Variants in SNAPC3 observed in about 807,000 individuals in gnomAD.
SNAPC3 encodes the protein small nuclear RNA activating complex polypeptide 3.
A neutral mutation model predicts 47.7 loss-of-function variants in SNAPC3; 56 were observed. The ratio of observed to expected loss-of-function variants is 1.18; its 90% CI spans 0.95 to 1.47. The LOEUF (loss-of-function observed/expected upper bound fraction) is 1.47. Among genes scored for constraint, SNAPC3 ranks in the 40% most tolerant of loss-of-function variants. SNAPC3 has a pLI of 0.00. For missense variants in SNAPC3, 665 were observed against 511.3 expected, an observed-to-expected ratio of 1.30 and a Z score of -2.90; for synonymous variants, 235 against 189.9, an observed-to-expected ratio of 1.24 and a Z score of -1.95.
intron 8 of SNAPC3, among the ~76,000 whole-genome samples, chr9:15,459,312 G>C (rs895510854): frequency 6.6e-6 from 1 of 152,102 alleles, no homozygotes; most frequent in African/African-American, 2.4e-5. Flanking sequence ...CAGTTAAGAA[G>C]GTATATTAAG....
At chr9:15,431,448 T>C (rs979638664) in intron 2 of SNAPC3, among the ~76,000 whole-genome samples, 2 of 152,246 alleles carry the variant, frequency 1.3e-5, no homozygotes, top group East Asian at 1.9e-4. Context: ...GTTAAAGTTA[T>C]TGAATCCTTA....
At chr9:15,429,514 A>G (rs983272244) in intron 2 of SNAPC3, among the ~76,000 whole-genome samples, 1 of 151,990 alleles carries the variant, frequency 6.6e-6, no homozygotes, top group African/African-American at 2.4e-5. Context: ...TGGGCAATAG[A>G]TGGGTTTTAA....
chr9:15,453,266 A>G lies in SNAPC3; in HGVS notation c.980+61A>G, dbSNP rs1003091433. On this transcript the variant is annotated intron_variant, in intron 7 of 8. Transcript: ENST00000380821. ...TTTTTTCTTTATTTCAGAGTACAAAACCAGAGATAGTTTTTTTAAAAATAA... is the reference window on the plus strand; with the variant it reads ...TTTTTTCTTTATTTCAGAGTACAAAGCCAGAGATAGTTTTTTTAAAAATAA... 5.3e-6 allele frequency: 7 copies of G among 1,323,010 alleles called. No homozygotes were observed. The African/African-American group carries it at 8.9e-5, about 17-fold the overall frequency. 82.0% of individuals were successfully genotyped at this position (1,323,010 alleles called of 1,614,324 possible). A position where few individuals can be genotyped will look rare whatever the true frequency, so the allele number is the denominator to read the frequency against.
intron 4 of SNAPC3, 131 bp downstream of exon 4, chr9:15,444,837 A>G: frequency 1.9e-6 from 1 of 518,800 alleles, no homozygotes; most frequent in Non-Finnish European, 3.4e-6. Flanking sequence ...CATGCCTGTA[A>G]TCTCAGCACT....
Position 15,437,559 on chromosome 9 carries a change from A to G in SNAPC3, c.477+3923A>G, listed in dbSNP as rs190731000. ...TGTTCCTATTTTCTTTAGTGTTTTT[A>G]TCATGAAAGGGTGTTAGATTTTGTC... On this transcript the variant is annotated intron_variant, in intron 3 of 8. Coordinates refer to ENST00000380821, the MANE Select transcript of SNAPC3 (RefSeq NM_001039697.2). Among the ~76,000 whole-genome samples, 6 of 148,936 alleles carry G rather than the reference A, an allele frequency of 4.0e-5. No homozygotes were observed. The East Asian group carries it at 9.8e-4, about 24-fold the overall frequency.
intron 3 of SNAPC3, among the ~76,000 whole-genome samples, chr9:15,442,021 G>A (rs1472813685): frequency 6.6e-6 from 1 of 151,712 alleles, no homozygotes; most frequent in Non-Finnish European, 1.5e-5. Flanking sequence ...CCAGGCGGAG[G>A]CGCTCCCCAC....
chr9:15,424,694 G>T (rs1420066508), intron 2 of SNAPC3, among the ~76,000 whole-genome samples: 1 of 152,180 alleles, frequency 6.6e-6, no homozygotes, highest in African/African-American at 2.4e-5. Flanking sequence ...CTCTTTGAGA[G>T]GCACTGTTGT....
intron 5 of SNAPC3, among the ~76,000 whole-genome samples, chr9:15,449,185 A>G (rs994838790): frequency 3.3e-5 from 5 of 152,148 alleles, no homozygotes; most frequent in African/African-American, 7.2e-5. Context: ...CGTAAGATGT[A>G]ACTGTTAAAT....
At chr9:15,438,765 T>A (rs1329064924) in intron 3 of SNAPC3, among the ~76,000 whole-genome samples, 1 of 152,200 alleles carries the variant, frequency 6.6e-6, no homozygotes, top group Non-Finnish European at 1.5e-5. Flanking sequence ...AATTTAAGAT[T>A]TGTTGGTGTA....
In SNAPC3 at chr9:15,422,976, G is replaced by T; in HGVS notation, c.97G>T (p.Glu33Ter). ...GSGGCNFPEY[E>*]LPELNTRAFH... ...TGGCGGCTGCAACTTTCCAGAGTAT[G>T]AGCTTCCCGAGCTAAATACGCGCGC... Residue 33 changes from glutamate to a stop codon, truncating the protein, a stop_gained, in exon 1 of 9, where the codon GAG (glutamate) becomes TAG (stop). Coordinates refer to ENST00000380821, the MANE Select transcript of SNAPC3 (RefSeq NM_001039697.2). LOFTEE classifies it high-confidence loss of function. The T allele has an allele frequency of 1.3e-6, 2 of 1,538,888 alleles. No homozygotes were observed.
At chr9:15,439,409 G>A (rs1296650310) in intron 3 of SNAPC3, among the ~76,000 whole-genome samples, 1 of 152,010 alleles carries the variant, frequency 6.6e-6, no homozygotes, top group African/African-American at 2.4e-5. Flanking sequence ...GTTTTTAGAG[G>A]TGGGTCTTGC....
chr9:15,453,464 T>C (rs1291456513), intron 7 of SNAPC3: 7 of 304,636 alleles, frequency 2.3e-5, no homozygotes, highest in Admixed American at 4.9e-5. Flanking sequence ...GTTAATACTT[T>C]AAAAAGTATC....
In SNAPC3 at chr9:15,461,235, C is replaced by T. The variant is rs1185405947; in HGVS notation, c.*1369C>T. On this transcript the variant is annotated 3_prime_UTR_variant, in exon 9 of 9. Transcript: ENST00000380821. ...AGTACAGTGGCGTGATCTTGGCTCACTGGAGCCCTGACCTCCCTAGGCTCA... is the reference window on the plus strand; with the variant it reads ...AGTACAGTGGCGTGATCTTGGCTCATTGGAGCCCTGACCTCCCTAGGCTCA... 6.6e-6 allele frequency: 1 copy of T among 152,178 alleles called. No individual in the cohort carries two copies. The highest frequency in any genetic ancestry group is 2.4e-5 in the African/African-American group (1 of 41,442). The allele number at this position is 152,178 out of a possible 1,614,324, so 9.4% of individuals were successfully genotyped here. A position where few individuals can be genotyped will look rare whatever the true frequency, so the allele number is the denominator to read the frequency against.
In SNAPC3 at chr9:15,441,383, C is replaced by CT. The variant is rs77103785; in HGVS notation, c.478-3195dup. ...CAACAGTGTGCAAGAGTTCCCTTTTCTTTTTTTTTTTTTTTTTTTTTTTTA... is the reference window on the plus strand; with the variant it reads ...CAACAGTGTGCAAGAGTTCCCTTTTCTTTTTTTTTTTTTTTTTTTTTTTTTA... On this transcript the variant is annotated intron_variant, in intron 3 of 8. Coordinates refer to ENST00000380821, the MANE Select transcript of SNAPC3 (RefSeq NM_001039697.2). Among the ~76,000 whole-genome samples, 38 of 59,566 alleles carry CT rather than the reference C, an allele frequency of 6.4e-4. 1 individual carries two copies. Among genetic ancestry groups the CT allele is most frequent in the South Asian group, 2.7e-3 (4 of 1,474 alleles). 39.1% of individuals were successfully genotyped at this position (59,566 alleles called of 152,430 possible).
chr9:15,456,117 G>A (rs989612202), intron 7 of SNAPC3, among the ~76,000 whole-genome samples: 13 of 151,824 alleles, frequency 8.6e-5, no homozygotes, highest in African/African-American at 2.9e-4. Context: ...CAGGTGATCC[G>A]CCCACCTCAG....
intron 5 of SNAPC3, 75 bp downstream of exon 5, chr9:15,447,319 A>G: frequency 7.6e-7 from 1 of 1,317,048 alleles, no homozygotes; most frequent in Middle Eastern, 1.8e-4. Flanking sequence ...GCTGGTTCAT[A>G]AATGTCCCAG....
chr9:15,435,545 C>A (rs2032687257), intron 3 of SNAPC3, among the ~76,000 whole-genome samples: 1 of 151,528 alleles, frequency 6.6e-6, no homozygotes, highest in Non-Finnish European at 1.5e-5. Flanking sequence ...TGCACTCCAG[C>A]CTGAGCAACA....
chr9:15,451,740 A>G (rs1274339897), intron 6 of SNAPC3, among the ~76,000 whole-genome samples: 2 of 152,130 alleles, frequency 1.3e-5, no homozygotes, highest in South Asian at 2.1e-4. Context: ...AACATGCATT[A>G]TTAGTCTCTG....
intron 8 of SNAPC3, among the ~76,000 whole-genome samples, chr9:15,459,343 A>G (rs1451429753): frequency 6.6e-6 from 1 of 152,256 alleles, no homozygotes; most frequent in Non-Finnish European, 1.5e-5. Context: ...TCAGATTTGT[A>G]GCATCTAATT....
Sources: allele counts gnomAD v4.1 joint callset (sites outside exome capture counted in the v4.1 genomes callset), GRCh38; gene constraint gnomAD v4.1.1; transcripts MANE v1.5; gene names NCBI Gene and HGNC (gene_info 2026-07-23, HGNC 2026-07-21).